The following ST6GALNAC5 variants were observed in gnomAD, a reference collection of about 807,000 sequenced individuals.
ST6GALNAC5 encodes alpha-N-acetylgalactosaminide alpha-2,6-sialyltransferase 5.
A neutral mutation model predicts 33.6 loss-of-function variants in ST6GALNAC5; 27 were observed. The observed-to-expected ratio is 0.80, with a 90% confidence interval of 0.59 to 1.11. The LOEUF (loss-of-function observed/expected upper bound fraction) is 1.11, where lower values mean the gene tolerates loss of function less well. Among genes scored for constraint, ST6GALNAC5 ranks in the 50% least tolerant of loss-of-function variants. The pLI is 0.00. For synonymous variants in ST6GALNAC5, 194 were observed against 171.2 expected, an observed-to-expected ratio of 1.13 and a Z score of -1.04; for missense variants, 428 against 454.0, an observed-to-expected ratio of 0.94 and a Z score of 0.52.
At chr1:77,020,504 G>A (rs934076032) in intron 2 of ST6GALNAC5, among the ~76,000 whole-genome samples, 3 of 152,048 alleles carry the variant, frequency 2.0e-5, no homozygotes, top group African/African-American at 4.8e-5. Flanking sequence ...AAGCTCAAGC[G>A]ATCATCCCAC....
At position 76,966,775 on chromosome 1, in the gene ST6GALNAC5, A is replaced by G. The variant is rs147984613; in HGVS notation, c.262-77429A>G. Reference sequence around the variant, plus strand: ...TTATTATTTTGAGATACGTTCCATCAATACCTAGTTTATTGAGAGCTTTTA... The same window carrying G: ...TTATTATTTTGAGATACGTTCCATCGATACCTAGTTTATTGAGAGCTTTTA... On this transcript the variant is annotated intron_variant, in intron 2 of 4. Transcript: ENST00000477717. Among the ~76,000 whole-genome samples, 585 of 152,328 alleles carry G rather than the reference A, an allele frequency of 3.8e-3. 5 individuals carry two copies. The highest frequency in any genetic ancestry group is 0.013 in the African/African-American group (561 of 41,574).
At chr1:77,002,488 C>A (rs1650213667) in intron 2 of ST6GALNAC5, among the ~76,000 whole-genome samples, 1 of 151,804 alleles carries the variant, frequency 6.6e-6, no homozygotes, top group African/African-American at 2.4e-5. Context: ...GTCTCTATTT[C>A]CTTCAGTTCT....
chr1:76,974,093 CTA>C (rs1338519694), intron 2 of ST6GALNAC5, among the ~76,000 whole-genome samples: 1 of 151,176 alleles, frequency 6.6e-6, no homozygotes, highest in African/African-American at 2.4e-5. Flanking sequence ...ACTGGTGTTT[CTA>C]TTAGATTCAA....
chr1:76,967,707 T>A (rs1648559937), intron 2 of ST6GALNAC5, among the ~76,000 whole-genome samples: 1 of 152,198 alleles, frequency 6.6e-6, no homozygotes, highest in Non-Finnish European at 1.5e-5. Flanking sequence ...TCCTGCTTTC[T>A]TGTGGGCAGT....
At chr1:77,062,884 A>G in intron 4 of ST6GALNAC5, 91 bp from the exon 5 acceptor site, 1 of 858,314 alleles carries the variant, frequency 1.2e-6, no homozygotes, top group Non-Finnish European at 1.8e-6. Context: ...TACAATTTTT[A>G]TCAGCTTATT....
At chr1:77,036,842 A>G (rs534160470) in intron 2 of ST6GALNAC5, among the ~76,000 whole-genome samples, 7 of 152,304 alleles carry the variant, frequency 4.6e-5, no homozygotes, top group Admixed American at 4.6e-4. Context: ...TAGATGTACA[A>G]ATATTATCTT....
intron 2 of ST6GALNAC5, among the ~76,000 whole-genome samples, chr1:77,013,726 C>T (rs1184595470): frequency 1.3e-5 from 2 of 152,206 alleles, no homozygotes; most frequent in Non-Finnish European, 2.9e-5. Flanking sequence ...CACGGGGGCT[C>T]ACCACCTTAA....
At position 76,868,711 on chromosome 1, in the gene ST6GALNAC5, T is replaced by G; in HGVS notation, c.230T>G (p.Leu77Arg). 1 of 1,526,814 alleles carries G rather than the reference T, an allele frequency of 6.5e-7. No individual in the cohort carries two copies. The highest frequency in any genetic ancestry group is 1.4e-5 in the African/African-American group (1 of 71,712). 94.6% of individuals were successfully genotyped at this position (1,526,814 alleles called of 1,614,324 possible). ...GGGGTCCCCGCGGGACCGCGGCCAC[T>G]GGACGGATACCTCGGAGTGGCGGAC... ...RPGVPAGPRP[L>R]DGYLGVADHK... The change falls in exon 2 of 5, where the codon CTG (leucine) becomes CGG (arginine). Residue 77 changes from leucine to arginine, a missense_variant. By Grantham distance (102) the Leu-to-Arg change is moderately radical. Transcript: ENST00000477717. The surrounding 1 kb of genome is among the most constrained non-coding windows in gnomAD (Gnocchi z 4.3).
intron 2 of ST6GALNAC5, among the ~76,000 whole-genome samples, chr1:76,994,469 C>A (rs903956496): frequency 1.3e-5 from 2 of 152,098 alleles, no homozygotes; most frequent in Non-Finnish European, 2.9e-5. Flanking sequence ...CAAAGTTTCT[C>A]AGGAGTTATT....
intron 2 of ST6GALNAC5, among the ~76,000 whole-genome samples, chr1:76,922,262 A>G (rs1482858212): frequency 6.6e-6 from 1 of 152,190 alleles, no homozygotes; most frequent in Non-Finnish European, 1.5e-5. Flanking sequence ...AACATTTACA[A>G]TCACTCCAAA....
chr1:76,990,069 A>G (rs1167488837), intron 2 of ST6GALNAC5, among the ~76,000 whole-genome samples: 2 of 152,140 alleles, frequency 1.3e-5, no homozygotes, highest in Non-Finnish European at 2.9e-5. Context: ...TCTCTCCTGA[A>G]GTTTATTTAA....
chr1:76,894,867 T>C (rs1654092050), intron 2 of ST6GALNAC5, among the ~76,000 whole-genome samples: 1 of 152,210 alleles, frequency 6.6e-6, no homozygotes, highest in African/African-American at 2.4e-5. Flanking sequence ...GCAATAAAGC[T>C]GTTTATTTCA....
intron 2 of ST6GALNAC5, among the ~76,000 whole-genome samples, chr1:76,899,982 C>T (rs990168520): frequency 1.3e-5 from 2 of 152,146 alleles, no homozygotes; most frequent in African/African-American, 4.8e-5. Flanking sequence ...AAATTTCACT[C>T]GTGTCTGTGT....
chr1:76,945,376 A>C (rs1342833931), intron 2 of ST6GALNAC5, among the ~76,000 whole-genome samples: 1 of 152,108 alleles, frequency 6.6e-6, no homozygotes, highest in East Asian at 1.9e-4. Flanking sequence ...AAAACAAACA[A>C]ACAGACAAAA....
chr1:76,900,823 G>A (rs751195124), intron 2 of ST6GALNAC5, among the ~76,000 whole-genome samples: 1 of 152,134 alleles, frequency 6.6e-6, no homozygotes, highest in African/African-American at 2.4e-5. Flanking sequence ...ACTAGTGAAT[G>A]CTTTTTCATA....
chr1:76,895,818 G>A (rs1202546884), intron 2 of ST6GALNAC5, among the ~76,000 whole-genome samples: 1 of 152,192 alleles, frequency 6.6e-6, no homozygotes, highest in Non-Finnish European at 1.5e-5. Context: ...GTCTAAGTTG[G>A]TCTGGCGTCT....
chr1:76,952,944 C>T (rs1647811202), intron 2 of ST6GALNAC5, among the ~76,000 whole-genome samples: 1 of 152,056 alleles, frequency 6.6e-6, no homozygotes. Flanking sequence ...TAAAATTATA[C>T]AGTACATTAA....
chr1:76,898,968 G>C (rs1037984003), intron 2 of ST6GALNAC5, among the ~76,000 whole-genome samples: 1 of 152,120 alleles, frequency 6.6e-6, no homozygotes, highest in African/African-American at 2.4e-5. Flanking sequence ...TTTGGGATGA[G>C]TTGCATTGGG....
intron 2 of ST6GALNAC5, among the ~76,000 whole-genome samples, chr1:76,913,606 C>T (rs1646937108): frequency 6.6e-6 from 1 of 152,118 alleles, no homozygotes; most frequent in African/African-American, 2.4e-5. Flanking sequence ...TTCTTGGAGG[C>T]TTTGTTCATT....
Sources: allele counts gnomAD v4.1 joint callset (sites outside exome capture counted in the v4.1 genomes callset), GRCh38; gene constraint gnomAD v4.1.1; non-coding constraint Gnocchi (gnomAD v3.1); transcripts MANE v1.5; gene names NCBI Gene and HGNC (gene_info 2026-07-23, HGNC 2026-07-21).